The following GRXCR1 variants were observed in gnomAD, a reference collection of about 807,000 sequenced individuals.
GRXCR1 encodes glutaredoxin domain-containing cysteine-rich protein 1.
GRXCR1 carries 27 observed loss-of-function variants against 27.3 expected under a neutral mutation model. The observed-to-expected ratio is 0.99, with a 90% CI of 0.73 to 1.37. GRXCR1 has a LOEUF of 1.37. Ranked by LOEUF, GRXCR1 falls within the 40% of genes most tolerant of loss-of-function variation. GRXCR1 has a pLI of 0.00. For synonymous variants in GRXCR1, 122 were observed against 131.1 expected, an observed-to-expected ratio of 0.93 and a Z score of 0.47; for missense variants, 379 against 354.4, an observed-to-expected ratio of 1.07 and a Z score of -0.56.
At chr4:42,917,360 C>T (rs559263228) in intron 1 of GRXCR1, among the ~76,000 whole-genome samples, 1 of 152,262 alleles carries the variant, frequency 6.6e-6, no homozygotes, top group Admixed American at 6.5e-5. Context: ...TAATTTCACA[C>T]CCTCAGCTGA....
chr4:42,984,274 G>T (rs1477895594), intron 2 of GRXCR1, among the ~76,000 whole-genome samples: 1 of 151,930 alleles, frequency 6.6e-6, no homozygotes, highest in African/African-American at 2.4e-5. Context: ...TTTCTTTCTT[G>T]TCACTTTTTA....
chr4:42,928,453 G>T (rs1280786333), intron 1 of GRXCR1, among the ~76,000 whole-genome samples: 1 of 151,908 alleles, frequency 6.6e-6, no homozygotes, highest in Non-Finnish European at 1.5e-5. Flanking sequence ...CCAGAGTAAG[G>T]TCCTGTTGGC....
chr4:42,965,960 A>C (rs1233092021), intron 2 of GRXCR1, among the ~76,000 whole-genome samples: 3 of 152,038 alleles, frequency 2.0e-5, no homozygotes, highest in Non-Finnish European at 4.4e-5. Flanking sequence ...AAGAAGAATT[A>C]CAAGGACACT....
At position 42,974,317 on chromosome 4, in the gene GRXCR1, T is replaced by C. The variant is rs563778615; in HGVS notation, c.627+11183T>C. ...TTGTGGGTTCCTTTATTAGACCTGC[T>C]GAAGTCAGTAGTTTCACTGGTTTGA... is the stretch of plus-strand genomic sequence containing the variant. On this transcript the variant is annotated intron_variant, in intron 2 of 3. Transcript: ENST00000399770. Among the ~76,000 whole-genome samples the C allele has an allele frequency of 2.0e-5, 3 of 152,234 alleles. No homozygotes were observed. The East Asian group carries it at 5.8e-4, about 29-fold the overall frequency.
At chr4:42,956,904 T>C (rs939236242) in intron 1 of GRXCR1, among the ~76,000 whole-genome samples, 3 of 152,034 alleles carry the variant, frequency 2.0e-5, no homozygotes, top group Non-Finnish European at 4.4e-5. Flanking sequence ...CCTTTAGGGG[T>C]TTCTCGTTGC....
chr4:42,973,163 T>C (rs1393180664), intron 2 of GRXCR1, among the ~76,000 whole-genome samples: 1 of 152,160 alleles, frequency 6.6e-6, no homozygotes, highest in Non-Finnish European at 1.5e-5. Context: ...AGTTTGCTAG[T>C]TCCCAGTTCT....
At chr4:43,004,304 C>A (rs1178798373) in intron 2 of GRXCR1, among the ~76,000 whole-genome samples, 3 of 152,238 alleles carry the variant, frequency 2.0e-5, no homozygotes, top group Non-Finnish European at 4.4e-5. Context: ...GATGTCCAGG[C>A]AGAAGTCTGC....
Position 42,900,798 on chromosome 4 carries a change from G to C in GRXCR1, c.384+7148G>C, listed in dbSNP as rs767491843. On this transcript the variant is annotated intron_variant, in intron 1 of 3. Coordinates refer to ENST00000399770, the MANE Select transcript of GRXCR1 (RefSeq NM_001080476.3). ...GGTCTGTGACCTCAGGAACTTGTGG[G>C]GGGTCTACAGATTGAGGGGAGGGTC... 3.9e-5 allele frequency among the ~76,000 whole-genome samples: 6 copies of C among 152,250 alleles called. No individual in the cohort carries two copies. The South Asian group carries it at 6.2e-4, about 16-fold the overall frequency.
intron 1 of GRXCR1, among the ~76,000 whole-genome samples, chr4:42,922,522 G>T (rs565425019): frequency 6.6e-5 from 10 of 152,246 alleles, no homozygotes; most frequent in African/African-American, 2.2e-4. Context: ...AGATAGTTCT[G>T]CAGTGCTGGG....
chr4:43,030,100 T>C (rs912888806), intron 3 of GRXCR1, among the ~76,000 whole-genome samples: 16 of 152,218 alleles, frequency 1.1e-4, no homozygotes, highest in African/African-American at 2.9e-4. Context: ...TGAAGTTATG[T>C]GCCCTTCAAC....
At chr4:42,910,677 A>G (rs1746703393) in intron 1 of GRXCR1, among the ~76,000 whole-genome samples, 1 of 152,156 alleles carries the variant, frequency 6.6e-6, no homozygotes, top group South Asian at 2.1e-4. Context: ...GGAACAAAAG[A>G]TGCAGCTGAC....
intron 2 of GRXCR1, among the ~76,000 whole-genome samples, chr4:42,980,196 T>G: frequency 6.6e-6 from 1 of 152,018 alleles, no homozygotes; most frequent in East Asian, 1.9e-4. Flanking sequence ...GAGTTTAGTT[T>G]GTTCTTGTAC....
At chr4:42,980,809 G>A (rs1050935464) in intron 2 of GRXCR1, among the ~76,000 whole-genome samples, 1 of 151,880 alleles carries the variant, frequency 6.6e-6, no homozygotes, top group East Asian at 1.9e-4. Flanking sequence ...ATATTTAGAT[G>A]CTCCAGTGTT....
At chr4:42,906,750 G>T (rs760047904) in intron 1 of GRXCR1, among the ~76,000 whole-genome samples, 7 of 152,020 alleles carry the variant, frequency 4.6e-5, no homozygotes, top group Non-Finnish European at 1.0e-4. Context: ...GGAAACTATC[G>T]CAGGTGCCTC....
At chr4:42,936,442 T>A (rs1162335156) in intron 1 of GRXCR1, among the ~76,000 whole-genome samples, 1 of 151,882 alleles carries the variant, frequency 6.6e-6, no homozygotes, top group East Asian at 1.9e-4. Flanking sequence ...GAATTTTTTA[T>A]TTTAGAATAG....
At chr4:42,987,229 T>TTATATATATATATATATTATA (rs1349228105) in intron 2 of GRXCR1, among the ~76,000 whole-genome samples, 62 of 92,214 alleles carry the variant, frequency 6.7e-4, no homozygotes, top group African/African-American at 2.5e-3. Context: ...ATATTATATA[T>TTATATATATATATATATTATA]TATATATATA....
chr4:42,930,234 C>A (rs1326897123), intron 1 of GRXCR1, among the ~76,000 whole-genome samples: 2 of 151,984 alleles, frequency 1.3e-5, no homozygotes, highest in Non-Finnish European at 2.9e-5. Flanking sequence ...GCAGAAGCAC[C>A]AAGTTAATAC....
chr4:42,936,523 A>G (rs985739884), intron 1 of GRXCR1, among the ~76,000 whole-genome samples: 1 of 151,892 alleles, frequency 6.6e-6, no homozygotes, highest in Non-Finnish European at 1.5e-5. Flanking sequence ...AACGTTTCCT[A>G]TTATTAACAT....
chr4:43,012,126 C>T (rs538947733), intron 2 of GRXCR1, among the ~76,000 whole-genome samples: 1 of 152,170 alleles, frequency 6.6e-6, no homozygotes, highest in East Asian at 1.9e-4. Context: ...AAAATTGACT[C>T]AATTTTCCTT....
Sources: allele counts gnomAD v4.1 joint callset (sites outside exome capture counted in the v4.1 genomes callset), GRCh38; gene constraint gnomAD v4.1.1; transcripts MANE v1.5; gene names NCBI Gene and HGNC (gene_info 2026-07-23, HGNC 2026-07-21).